The following SCD5 variants were observed in gnomAD, a reference collection of about 807,000 sequenced individuals.
SCD5 encodes the protein stearoyl-CoA desaturase 5.
SCD5 carries 20 observed loss-of-function variants against 30.4 expected under a neutral mutation model. That is an observed-to-expected ratio of 0.66 (90% confidence interval 0.46 to 0.96). The LOEUF (loss-of-function observed/expected upper bound fraction) is 0.96. Ranked by LOEUF, SCD5 falls within the 40% of genes least tolerant of loss-of-function variation. SCD5 has a pLI of 0.00. For synonymous variants in SCD5, 173 were observed against 176.4 expected (o/e 0.98, Z 0.16); for missense variants, 381 against 443.3 (o/e 0.86, Z 1.26).
At chr4:82,724,356 C>T (rs1720428926) in intron 1 of SCD5, among the ~76,000 whole-genome samples, 1 of 152,178 alleles carries the variant, frequency 6.6e-6, no homozygotes, top group Admixed American at 6.5e-5. Context: ...GTGGCTCACA[C>T]CTGTAATCCC....
chr4:82,763,208 G>A (rs1369520013), intron 1 of SCD5, among the ~76,000 whole-genome samples: 1 of 152,082 alleles, frequency 6.6e-6, no homozygotes, highest in Non-Finnish European at 1.5e-5. Flanking sequence ...TGGAGATAGG[G>A]CCTTTTAAGA....
chr4:82,743,951 G>C (rs1490242915), intron 1 of SCD5, among the ~76,000 whole-genome samples: 2 of 149,856 alleles, frequency 1.3e-5, no homozygotes, highest in Admixed American at 1.3e-4. Flanking sequence ...TCAGCCTCCT[G>C]AGTAGCTGGG....
chr4:82,797,125 T>C (rs1352793413), intron 1 of SCD5, among the ~76,000 whole-genome samples: 2 of 152,156 alleles, frequency 1.3e-5, no homozygotes, highest in Non-Finnish European at 2.9e-5. Context: ...CTTGGAACCA[T>C]AGTGGCCCCA....
rs577050138 is a variant in SCD5 at position 82,745,689 on chromosome 4, G to A, written c.233-40276C>T. On this transcript the variant is annotated intron_variant, in intron 1 of 4. Coordinates refer to ENST00000319540, the MANE Select transcript of SCD5 (RefSeq NM_001037582.3). ...CCCTGCCCAATGATTTTTAAACTTT[G>A]TGTTGGTACCCATTATAAAGTGGTG... Among the ~76,000 whole-genome samples, 18 of 152,242 alleles carry A rather than the reference G, an allele frequency of 1.2e-4. No individual in the cohort carries two copies. In the East Asian group the frequency reaches 3.1e-3, roughly 26 times the overall value.
intron 3 of SCD5, among the ~76,000 whole-genome samples, chr4:82,653,705 G>GATAGATAGATAGATAGATAT (rs1553914393): frequency 1.6e-4 from 2 of 12,864 alleles, no homozygotes; most frequent in African/African-American, 4.2e-4. Context: ...TAGATAGATA[G>GATAGATAGATAGATAGATAT]ATATAGATAG....
chr4:82,664,989 C>CTATA (rs1258047236), intron 3 of SCD5, among the ~76,000 whole-genome samples: 13 of 103,246 alleles, frequency 1.3e-4, no homozygotes, highest in East Asian at 7.7e-4. Context: ...CTCTCTCTCT[C>CTATA]TCTCTCTCTC....
intron 4 of SCD5, among the ~76,000 whole-genome samples, chr4:82,631,918 T>A (rs938678690): frequency 1.3e-5 from 2 of 152,202 alleles, no homozygotes; most frequent in Non-Finnish European, 2.9e-5. Flanking sequence ...ATGAGAATCA[T>A]TCAAATAGGT....
At chr4:82,661,687 A>T (rs999508225) in intron 3 of SCD5, among the ~76,000 whole-genome samples, 1 of 152,200 alleles carries the variant, frequency 6.6e-6, no homozygotes, top group Non-Finnish European at 1.5e-5. Context: ...TGTTTAAACA[A>T]ATTTTTCTCC....
At chr4:82,712,135 G>A (rs1264851111) in intron 1 of SCD5, among the ~76,000 whole-genome samples, 1 of 147,656 alleles carries the variant, frequency 6.8e-6, no homozygotes, top group East Asian at 2.0e-4. Context: ...AAACTTGACA[G>A]TGATAGAGCC....
chr4:82,679,280 G>GAAA lies in SCD5; in HGVS notation c.569+1426_569+1427insTTT, dbSNP rs201019722. 6.2e-5 allele frequency among the ~76,000 whole-genome samples: 7 copies of GAAA among 113,424 alleles called. 1 individual carries two copies. Among genetic ancestry groups the GAAA allele is most frequent in the African/African-American group, 1.9e-4 (6 of 30,850 alleles). The allele number at this position is 113,424 out of a possible 152,430, so 74.4% of individuals were successfully genotyped here. Reference sequence around the variant, plus strand: ...AGAAAGAAGGAAGGAAAGAAAGAAAGAAGGAAGGAAAGAAAGAAAGAAAAC... The same window carrying GAAA: ...AGAAAGAAGGAAGGAAAGAAAGAAAGAAAAAGGAAGGAAAGAAAGAAAGAAAAC... On this transcript the variant is annotated intron_variant, in intron 3 of 4. Transcript: ENST00000319540.
At chr4:82,632,321 T>C (rs556132215) in intron 4 of SCD5, among the ~76,000 whole-genome samples, 8 of 152,202 alleles carry the variant, frequency 5.3e-5, no homozygotes, top group African/African-American at 1.9e-4. Flanking sequence ...TTGCTCAGAA[T>C]GATGGTTTCT....
chr4:82,775,624 G>A (rs1234102121), intron 1 of SCD5: 2 of 152,292 alleles, frequency 1.3e-5, no homozygotes, highest in Non-Finnish European at 2.9e-5. Context: ...AGTTTGGGAG[G>A]CTGAGATACA....
intron 1 of SCD5, among the ~76,000 whole-genome samples, chr4:82,721,034 C>T (rs10032086): frequency 0.22 from 33,959 of 151,998 alleles, 4,399 homozygotes; most frequent in Middle Eastern, 0.34. Flanking sequence ...GTGGCACATG[C>T]CTGTAGTTCC....
intron 2 of SCD5, among the ~76,000 whole-genome samples, chr4:82,699,391 CTT>C (rs915397736): frequency 6.8e-6 from 1 of 148,024 alleles, no homozygotes; most frequent in Non-Finnish European, 1.5e-5. Flanking sequence ...TTATCAATGA[CTT>C]TTTTTTTTTG....
chr4:82,669,896 G>C (rs1035516620), intron 3 of SCD5, among the ~76,000 whole-genome samples: 1 of 152,064 alleles, frequency 6.6e-6, no homozygotes, highest in African/African-American at 2.4e-5. Context: ...GCCCATTCTA[G>C]CCATCTTGTT....
chr4:82,768,419 A>G (rs1294544333), intron 1 of SCD5, among the ~76,000 whole-genome samples: 3 of 152,216 alleles, frequency 2.0e-5, no homozygotes, highest in Non-Finnish European at 2.9e-5. Flanking sequence ...ATATTCTAGT[A>G]AGTTAAAAAA....
rs551290364 is a variant in SCD5 at position 82,740,162 on chromosome 4, A to C, written c.233-34749T>G. Among the ~76,000 whole-genome samples the C allele has an allele frequency of 2.5e-4, 38 of 152,360 alleles. 1 individual carries two copies. In the South Asian group the frequency reaches 7.7e-3, roughly 31 times the overall value. ...AAGGACTTTAGCAATTATTTTTAAA[A>C]TGAAAAACCTGAGCTTTGAATGTAG... On this transcript the variant is annotated intron_variant, in intron 1 of 4. Transcript: ENST00000319540.
At chr4:82,714,241 A>G (rs986755796) in intron 1 of SCD5, among the ~76,000 whole-genome samples, 1 of 152,086 alleles carries the variant, frequency 6.6e-6, no homozygotes, top group African/African-American at 2.4e-5. Context: ...ATTCCCCTTT[A>G]CAGTGAAACT....
chr4:82,708,578 T>C (rs1720014178), intron 1 of SCD5, among the ~76,000 whole-genome samples: 1 of 152,172 alleles, frequency 6.6e-6, no homozygotes, highest in Admixed American at 6.5e-5. Flanking sequence ...AAGCCCAAGA[T>C]CTAGCAGCCA....
Sources: allele counts gnomAD v4.1 joint callset (sites outside exome capture counted in the v4.1 genomes callset), GRCh38; gene constraint gnomAD v4.1.1; transcripts MANE v1.5; gene names NCBI Gene and HGNC (gene_info 2026-07-23, HGNC 2026-07-21).